GOLGA5: variants seen among roughly 807,000 people sequenced by gnomAD.
GOLGA5 encodes the protein golgin A5, also known as golgin subfamily A member 5.
Under a neutral mutation model 93.5 loss-of-function variants are expected in GOLGA5, and 50 were observed. The ratio of observed to expected loss-of-function variants is 0.53; its 90% CI spans 0.43 to 0.68. The LOEUF is 0.68. Ranked by LOEUF, GOLGA5 falls within the 30% of genes least tolerant of loss-of-function variation. The probability of loss-of-function intolerance (pLI) is 0.00; values close to 1 mark genes in which losing one functional copy is unlikely to be tolerated. For missense variants in GOLGA5, 760 were observed against 856.4 expected (o/e 0.89, Z 1.40); for synonymous variants, 312 against 304.5 (o/e 1.02, Z -0.26).
chr14:92,835,299 G>A (rs1264866457), intron 10 of GOLGA5, among the ~76,000 whole-genome samples: 1 of 152,122 alleles, frequency 6.6e-6, no homozygotes, highest in East Asian at 1.9e-4. Context: ...TCTTGTCAAC[G>A]CTTAGTATTT....
At chr14:92,809,613 C>A in intron 4 of GOLGA5, 94 bp downstream of exon 4, 1 of 753,998 alleles carries the variant, frequency 1.3e-6, no homozygotes, top group Non-Finnish European at 2.2e-6. Context: ...TGGAAATTTA[C>A]AAGAGGGAAT....
chr14:92,811,842 C>G (rs914495691), intron 6 of GOLGA5, 88 bp downstream of exon 6: 1 of 940,280 alleles, frequency 1.1e-6, no homozygotes, highest in African/African-American at 1.6e-5. Context: ...GTGTGAGGTG[C>G]TTTGTTCATG....
intron 6 of GOLGA5, among the ~76,000 whole-genome samples, chr14:92,813,902 T>C (rs1056290703): frequency 1.3e-5 from 2 of 151,450 alleles, no homozygotes; most frequent in African/African-American, 2.4e-5. Context: ...ATGTGGGAGA[T>C]AGAATATATG....
chr14:92,834,024 T>G (rs1030444553), intron 10 of GOLGA5, among the ~76,000 whole-genome samples: 1 of 151,558 alleles, frequency 6.6e-6, no homozygotes, highest in Non-Finnish European at 1.5e-5. Context: ...ATTATCATTT[T>G]ATTTGTAATT....
chr14:92,833,452 T>C, intron 10 of GOLGA5, 105 bp downstream of exon 10: 1 of 806,828 alleles, frequency 1.2e-6, no homozygotes, highest in Non-Finnish European at 2.1e-6. Flanking sequence ...AGTGAAGGAC[T>C]CAATTTTCTG....
At position 92,805,770 on chromosome 14, in the gene GOLGA5, T is replaced by C. The variant is rs568966805; in HGVS notation, c.545-966T>C. ...TTTCATTTGATTATTGATATTTGTTTATATAACCTTATAAAGTATCAAGTC... is the reference window on the plus strand; with the variant it reads ...TTTCATTTGATTATTGATATTTGTTCATATAACCTTATAAAGTATCAAGTC... On this transcript the variant is annotated intron_variant, in intron 2 of 12. Coordinates refer to ENST00000163416, the MANE Select transcript of GOLGA5 (RefSeq NM_005113.4). Among the ~76,000 whole-genome samples the C allele has an allele frequency of 3.7e-4, 57 of 152,318 alleles. 1 individual carries two copies. The South Asian group carries it at 9.9e-3, about 27-fold the overall frequency.
intron 2 of GOLGA5, 79 bp downstream of exon 2, chr14:92,798,060 TCTA>T: frequency 1.1e-6 from 1 of 939,088 alleles, no homozygotes; most frequent in Non-Finnish European, 1.6e-6. Context: ...GTGTTTCTCA[TCTA>T]CTGTTATGGA....
At chr14:92,832,762 C>T in intron 9 of GOLGA5, among the ~76,000 whole-genome samples, 1 of 152,292 alleles carries the variant, frequency 6.6e-6, no homozygotes, top group South Asian at 2.1e-4. Flanking sequence ...CTTTGAAATA[C>T]TTTGACCATG....
chr14:92,814,076 G>GT (rs1885155261), intron 6 of GOLGA5, among the ~76,000 whole-genome samples: 1 of 152,124 alleles, frequency 6.6e-6, no homozygotes, highest in African/African-American at 2.4e-5. Context: ...ACGAATTATG[G>GT]TAAGTATGCA....
At chr14:92,826,352 G>A (rs1885421296) in intron 9 of GOLGA5, among the ~76,000 whole-genome samples, 2 of 150,810 alleles carry the variant, frequency 1.3e-5, no homozygotes, top group Non-Finnish European at 2.9e-5. Context: ...GAACAATAAA[G>A]AATTATGCTT....
At chr14:92,814,380 C>G (rs6575292) in intron 6 of GOLGA5, among the ~76,000 whole-genome samples, 122,703 of 151,962 alleles carry the variant, frequency 0.81, 50,072 homozygotes, top group African/African-American at 0.91. Flanking sequence ...AACCACAGCA[C>G]GCGGCTCTGA....
intron 2 of GOLGA5, among the ~76,000 whole-genome samples, chr14:92,805,870 A>T (rs1450235694): frequency 6.6e-6 from 1 of 151,910 alleles, no homozygotes; most frequent in Non-Finnish European, 1.5e-5. Context: ...CATAATTTTT[A>T]GAGTAATTTA....
intron 2 of GOLGA5, among the ~76,000 whole-genome samples, chr14:92,803,087 G>T (rs1187099630): frequency 6.6e-6 from 1 of 151,984 alleles, no homozygotes; most frequent in Non-Finnish European, 1.5e-5. Flanking sequence ...CCAGGTTGGA[G>T]TGCAGTGGTG....
intron 2 of GOLGA5, among the ~76,000 whole-genome samples, chr14:92,798,638 G>C (rs1257332629): frequency 6.6e-6 from 1 of 152,252 alleles, no homozygotes; most frequent in East Asian, 1.9e-4. Context: ...GCTATAGGCT[G>C]GGCGTGGTGG....
intron 11 of GOLGA5, among the ~76,000 whole-genome samples, chr14:92,836,787 G>A (rs1885650677): frequency 1.3e-5 from 2 of 152,254 alleles, no homozygotes; most frequent in South Asian, 4.1e-4. Flanking sequence ...ATTTAGGCCG[G>A]GCACGGTGGC....
chr14:92,826,541 C>CA (rs796253389), intron 9 of GOLGA5, among the ~76,000 whole-genome samples: 84 of 151,630 alleles, frequency 5.5e-4, no homozygotes, highest in African/African-American at 2.0e-3. Flanking sequence ...ATTGAAAATA[C>CA]AAAAAAATTA....
chr14:92,808,375 C>T (rs1026982212), intron 3 of GOLGA5, among the ~76,000 whole-genome samples: 4 of 152,344 alleles, frequency 2.6e-5, no homozygotes, highest in Middle Eastern at 3.4e-3. Context: ...TGAGTCACGC[C>T]TGTAATCCCA....
Position 92,810,316 on chromosome 14 carries a change from A to G in GOLGA5, c.1055A>G (p.Glu352Gly). 6.2e-7 allele frequency: 1 copy of G among 1,606,758 alleles called. No homozygotes were observed. The highest frequency in any genetic ancestry group is 8.5e-7 in the Non-Finnish European group (1 of 1,174,766). The part of the protein sequence containing the change: ...LQNQALQTFQ[E>G]RLHEADATLK... ...AATCAAGCTCTGCAGACTTTTCAGG[A>G]GAGACTGCATGAAGCGGATGCCACT... The change falls in exon 5 of 13, where the codon GAG (glutamate) becomes GGG (glycine). Residue 352 changes from glutamate (E) to glycine (G), a missense_variant. Glu to Gly is a moderately conservative substitution (Grantham distance 98). Coordinates refer to ENST00000163416, the MANE Select transcript of GOLGA5 (RefSeq NM_005113.4).
Position 92,797,602 on chromosome 14 carries a change from G to C in GOLGA5, c.165G>C (p.Gln55His), listed in dbSNP as rs146787240. The C allele has an allele frequency of 6.3e-5, 102 of 1,613,430 alleles. No individual in the cohort carries two copies. The highest frequency in any genetic ancestry group is 3.3e-4 in the Admixed American group (20 of 60,006). ...LHQQNTDLIY[Q>H]TGPKSTYISS... Reference sequence around the variant, plus strand: ...AGCAAAATACAGATTTGATATATCAGACTGGACCTAAATCTACGTATATTT... The same window carrying C: ...AGCAAAATACAGATTTGATATATCACACTGGACCTAAATCTACGTATATTT... Residue 55 changes from glutamine to histidine, a missense_variant, in exon 2 of 13, where the codon CAG becomes CAC. Coordinates refer to ENST00000163416, the MANE Select transcript of GOLGA5 (RefSeq NM_005113.4).
Sources: gnomAD v4.1 joint callset for allele counts (sites outside exome capture counted in the v4.1 genomes callset) on GRCh38, gnomAD v4.1.1 for gene constraint, MANE v1.5 for transcripts, NCBI Gene and HGNC (gene_info 2026-07-23, HGNC 2026-07-21) for gene names.